The following CDCA2 variants were observed in gnomAD, a reference collection of about 807,000 sequenced individuals.
The protein encoded by CDCA2 is cell division cycle-associated protein 2.
Under a neutral mutation model 67.0 loss-of-function variants are expected in CDCA2, and 44 were observed. That is an observed-to-expected ratio of 0.66 (90% CI 0.52 to 0.84). The LOEUF is 0.84. CDCA2 is among the 40% of genes least tolerant of loss of function. The probability of loss-of-function intolerance (pLI) is 0.00; values close to 1 mark genes in which losing one functional copy is unlikely to be tolerated. For synonymous variants in CDCA2, 447 were observed against 418.7 expected (o/e 1.07, Z -0.82); for missense variants, 1,253 against 1,203.2 (o/e 1.04, Z -0.61).
intron 7 of CDCA2, among the ~76,000 whole-genome samples, chr8:25,475,670 AG>A (rs1344742146): frequency 5.9e-5 from 9 of 152,290 alleles, no homozygotes; most frequent in African/African-American, 1.9e-4. Flanking sequence ...GGGAGCACCC[AG>A]GCTGTGTGGG....
chr8:25,460,712 C>CA (rs1199662228), intron 3 of CDCA2, among the ~76,000 whole-genome samples, 158 bp downstream of exon 3: 1 of 152,180 alleles, frequency 6.6e-6, no homozygotes, highest in Non-Finnish European at 1.5e-5. Context: ...TGCACATGCA[C>CA]AGTTCATTTA....
At chr8:25,462,364 C>T (rs1023958170) in intron 4 of CDCA2, among the ~76,000 whole-genome samples, 156 bp downstream of exon 4, 3 of 152,166 alleles carry the variant, frequency 2.0e-5, no homozygotes, top group Admixed American at 1.3e-4. Flanking sequence ...CGGTGGCTCA[C>T]GCCTATAATC....
chr8:25,481,441 A>G (rs1268358578), intron 8 of CDCA2, among the ~76,000 whole-genome samples: 1 of 152,236 alleles, frequency 6.6e-6, no homozygotes, highest in African/African-American at 2.4e-5. Flanking sequence ...CTGTAATCCC[A>G]GCACTTTGGG....
intron 7 of CDCA2, among the ~76,000 whole-genome samples, chr8:25,476,696 G>C (rs1403724368): frequency 2.6e-5 from 4 of 151,980 alleles, no homozygotes; most frequent in African/African-American, 9.7e-5. Context: ...TGGGACTACA[G>C]GTGCCCGCCA....
Position 25,459,315 on chromosome 8 carries a change from G to C in CDCA2, c.-159G>C, listed in dbSNP as rs1186914365. On this transcript the variant is annotated 5_prime_UTR_variant, in exon 1 of 15. Transcript: ENST00000330560. Reference sequence around the variant, plus strand: ...CAGCCGTCGGGACCTCGGGCTCCGGGTTCGAAGAGCGGCTCCCGGCTGCGG... The same window carrying C: ...CAGCCGTCGGGACCTCGGGCTCCGGCTTCGAAGAGCGGCTCCCGGCTGCGG... 6.6e-6 allele frequency: 1 copy of C among 152,344 alleles called. No homozygotes were observed. The highest frequency in any genetic ancestry group is 1.5e-5 in the Non-Finnish European group (1 of 68,166). 9.4% of individuals were successfully genotyped at this position (152,344 alleles called of 1,614,324 possible). A position where few individuals can be genotyped will look rare whatever the true frequency, so the allele number is the denominator to read the frequency against.
At chr8:25,461,917 C>A in intron 3 of CDCA2, 137 bp from the exon 4 acceptor site, 1 of 740,764 alleles carries the variant, frequency 1.3e-6, no homozygotes, top group Non-Finnish European at 2.2e-6. Flanking sequence ...AATGACTGTG[C>A]CAGTAACTCT....
At chr8:25,472,861 G>A (rs988114238) in intron 7 of CDCA2, among the ~76,000 whole-genome samples, 3 of 151,814 alleles carry the variant, frequency 2.0e-5, no homozygotes, top group Non-Finnish European at 1.5e-5. Context: ...TTTTTATGGT[G>A]AGACGTTTGA....
chr8:25,474,340 GTGTT>G (rs1803267529), intron 7 of CDCA2, among the ~76,000 whole-genome samples: 1 of 152,192 alleles, frequency 6.6e-6, no homozygotes, highest in South Asian at 2.1e-4. Flanking sequence ...TGTTTTGAAA[GTGTT>G]TGAGAAAACT....
intron 14 of CDCA2, 89 bp downstream of exon 14, chr8:25,503,633 C>A: frequency 7.7e-7 from 1 of 1,301,574 alleles, no homozygotes; most frequent in South Asian, 1.4e-5. Context: ...TTTTCCCATT[C>A]ACTATGTAAA....
chr8:25,474,873 G>T (rs1301806679), intron 7 of CDCA2, among the ~76,000 whole-genome samples: 2 of 152,172 alleles, frequency 1.3e-5, no homozygotes, highest in African/African-American at 4.8e-5. Flanking sequence ...GTGGATTCGG[G>T]CTTGCCTCCC....
chr8:25,492,697 C>T (rs1014295963), intron 13 of CDCA2, among the ~76,000 whole-genome samples: 5 of 152,092 alleles, frequency 3.3e-5, no homozygotes, highest in African/African-American at 9.7e-5. Context: ...TTGGCAGAGC[C>T]GTGAAAAATG....
intron 13 of CDCA2, among the ~76,000 whole-genome samples, chr8:25,498,513 C>A (rs1314917469): frequency 7.0e-6 from 1 of 143,248 alleles, no homozygotes; most frequent in Non-Finnish European, 1.5e-5. Context: ...AGCCTCTATC[C>A]CTGGTGTACA....
intron 7 of CDCA2, among the ~76,000 whole-genome samples, chr8:25,472,395 G>A (rs753666901): frequency 2.0e-4 from 30 of 152,084 alleles, no homozygotes; most frequent in African/African-American, 6.8e-4. Context: ...GGGATTACAG[G>A]TACCCGCCAC....
chr8:25,472,767 A>G (rs758084367), intron 7 of CDCA2, among the ~76,000 whole-genome samples: 1 of 152,340 alleles, frequency 6.6e-6, no homozygotes, highest in South Asian at 2.1e-4. Context: ...GGGGAACAAT[A>G]TGATATTTTG....
At chr8:25,471,274 C>T (rs759660509) in intron 7 of CDCA2, among the ~76,000 whole-genome samples, 1 of 152,046 alleles carries the variant, frequency 6.6e-6, no homozygotes, top group South Asian at 2.1e-4. Context: ...GGTGGATGTC[C>T]GCCTGCATGG....
At chr8:25,483,821 C>A in intron 9 of CDCA2, 145 bp from the exon 10 acceptor site, 3 of 725,094 alleles carry the variant, frequency 4.1e-6, no homozygotes, top group Admixed American at 3.2e-5. Flanking sequence ...TTTGCTCTAC[C>A]AACAATTATT....
intron 12 of CDCA2, among the ~76,000 whole-genome samples, chr8:25,487,604 G>C (rs1016578292): frequency 6.6e-6 from 1 of 152,104 alleles, no homozygotes. Flanking sequence ...TTAGCCGGAC[G>C]TGGTGGTGGA....
At chr8:25,503,605 A>G (rs760617232) in intron 14 of CDCA2, 61 bp downstream of exon 14, 37 of 1,513,312 alleles carry the variant, frequency 2.4e-5, no homozygotes, top group Non-Finnish European at 2.8e-5. Context: ...CTTTGTTGCT[A>G]TTTTACTTTT....
intron 3 of CDCA2, 67 bp downstream of exon 3, chr8:25,460,621 T>G (rs956778580): frequency 6.7e-7 from 1 of 1,485,488 alleles, no homozygotes; most frequent in African/African-American, 1.4e-5. Context: ...ATAACTCAGC[T>G]TTATTTGTTT....
Sources: gnomAD v4.1 joint callset for allele counts (sites outside exome capture counted in the v4.1 genomes callset) on GRCh38, gnomAD v4.1.1 for gene constraint, MANE v1.5 for transcripts, NCBI Gene and HGNC (gene_info 2026-07-23, HGNC 2026-07-21) for gene names.